Variants in ZNF638 observed in about 807,000 individuals in gnomAD.
ZNF638 encodes CTCL tumor antigen se33-1.
A neutral mutation model predicts 195.6 loss-of-function variants in ZNF638; 46 were observed. The observed-to-expected ratio is 0.24, with a 90% CI of 0.19 to 0.30. The LOEUF (loss-of-function observed/expected upper bound fraction) is 0.30. ZNF638 is among the 10% of genes least tolerant of loss of function. The pLI, the probability that ZNF638 is intolerant of heterozygous loss-of-function variation, is 1.00. For synonymous variants in ZNF638, 845 were observed against 772.0 expected (o/e 1.09, Z -1.57); for missense variants, 2,440 against 2,325.3 (o/e 1.05, Z -1.01).
intron 6 of ZNF638, among the ~76,000 whole-genome samples, chr2:71,366,620 C>T (rs1210226310): frequency 3.9e-5 from 6 of 152,090 alleles, no homozygotes; most frequent in Non-Finnish European, 8.8e-5. Flanking sequence ...GTTTTGCTCT[C>T]TAATTGGGAA....
chr2:71,348,477 AGTT>A, intron 1 of ZNF638: 1 of 1,027,180 alleles, frequency 9.7e-7, no homozygotes, highest in Non-Finnish European at 1.2e-6. Flanking sequence ...ATGTAAAAGG[AGTT>A]GTAATTACTG....
intron 8 of ZNF638, among the ~76,000 whole-genome samples, chr2:71,373,074 A>G (rs2079344420): frequency 6.6e-6 from 1 of 152,234 alleles, no homozygotes; most frequent in Admixed American, 6.5e-5. Context: ...AATGGATAAT[A>G]TAAGATTGCT....
At chr2:71,369,628 T>C (rs536457164) in intron 7 of ZNF638, among the ~76,000 whole-genome samples, 2 of 152,332 alleles carry the variant, frequency 1.3e-5, no homozygotes, top group East Asian at 1.9e-4. Context: ...TCATTTCCTC[T>C]TCTTCCATGA....
At chr2:71,400,943 G>A (rs1163082968) in intron 15 of ZNF638, among the ~76,000 whole-genome samples, 1 of 152,076 alleles carries the variant, frequency 6.6e-6, no homozygotes, top group Non-Finnish European at 1.5e-5. Flanking sequence ...CAGTTTAAAG[G>A]ACATGAAGTT....
intron 7 of ZNF638, among the ~76,000 whole-genome samples, chr2:71,369,444 G>T (rs996791076): frequency 1.3e-5 from 2 of 152,084 alleles, no homozygotes. Flanking sequence ...TTCAAGACCA[G>T]CCTGGGCAAC....
chr2:71,349,674 T>G lies in ZNF638; in HGVS notation c.720T>G (p.Asn240Lys), dbSNP rs768115990. 2 of 1,614,224 alleles carry G rather than the reference T, an allele frequency of 1.2e-6. No individual in the cohort carries two copies. The highest frequency in any genetic ancestry group is 2.2e-5 in the South Asian group (2 of 91,084). ...AAATTCCAACTGATGAGGTCGAGAATGAATTTCAGTCACAGCAGAACATTT... is the reference window on the plus strand; with the variant it reads ...AAATTCCAACTGATGAGGTCGAGAAGGAATTTCAGTCACAGCAGAACATTT... The part of the protein sequence containing the change: ...DPEIPTDEVE[N>K]EFQSQQNISA... The change falls in exon 2 of 28, where the codon AAT becomes AAG. Residue 240 changes from asparagine to lysine, a missense_variant. Coordinates refer to ENST00000264447, the MANE Select transcript of ZNF638 (RefSeq NM_014497.5).
chr2:71,417,652 C>G (rs956936703), intron 20 of ZNF638, among the ~76,000 whole-genome samples: 2 of 150,706 alleles, frequency 1.3e-5, no homozygotes, highest in African/African-American at 4.9e-5. Flanking sequence ...CCTCTGATAC[C>G]ATGCAGGGTT....
At chr2:71,366,194 A>G (rs2104282552) in intron 6 of ZNF638, among the ~76,000 whole-genome samples, 1 of 152,236 alleles carries the variant, frequency 6.6e-6, no homozygotes, top group South Asian at 2.1e-4. Context: ...TACAAAAAAT[A>G]TAAAAATGAG....
At chr2:71,420,005 A>G (rs1396082915) in intron 21 of ZNF638, among the ~76,000 whole-genome samples, 1 of 80,474 alleles carries the variant, frequency 1.2e-5, no homozygotes. Context: ...TTTTTTTTTA[A>G]CATTAGAGAA....
chr2:71,423,952 A>C lies in ZNF638; in HGVS notation c.4438A>C (p.Lys1480Gln). Reference protein sequence around the residue: ...RISALQGKLSKLDYRDITKQS... With the variant: ...RISALQGKLSQLDYRDITKQS... ...CTCAGCCCTGCAAGGCAAGCTTTCT[A>C]AACTGGATTACAGAGATATAACAAA... Residue 1480 changes from lysine to glutamine, a missense_variant, in exon 22 of 28, where the codon AAA (lysine) becomes CAA (glutamine). Lys to Gln is a moderately conservative substitution (Grantham distance 53). Transcript: ENST00000264447. 1 of 1,614,112 alleles carries C rather than the reference A, an allele frequency of 6.2e-7. No individual in the cohort carries two copies. Among genetic ancestry groups the C allele is most frequent in the Non-Finnish European group, 8.5e-7 (1 of 1,179,994 alleles).
intron 16 of ZNF638, among the ~76,000 whole-genome samples, chr2:71,402,307 C>A (rs2080022702): frequency 6.6e-6 from 1 of 151,964 alleles, no homozygotes. Flanking sequence ...TCTAATATGT[C>A]AAAGTTCTAC....
At chr2:71,383,772 T>TTTC (rs2079581466) in intron 10 of ZNF638, among the ~76,000 whole-genome samples, 1 of 138,798 alleles carries the variant, frequency 7.2e-6, no homozygotes, top group African/African-American at 2.7e-5. Flanking sequence ...CTTTTTTTTT[T>TTTC]TTTTTTTTTA....
In ZNF638 at chr2:71,428,591, T is replaced by C. The variant is rs539294557; in HGVS notation, c.5590T>C (p.Ser1864Pro). The change falls in exon 25 of 28, where the codon TCA (serine) becomes CCA (proline). Residue 1864 changes from serine (S) to proline (P), a missense_variant. Physicochemically the swap from Ser to Pro is moderately conservative, Grantham distance 74. Around this residue, in one of 5 missense-constraint regions of ZNF638, gnomAD observed 1,883 missense variants for 1,739.1 expected, o/e 1.08. Coordinates refer to ENST00000264447, the MANE Select transcript of ZNF638 (RefSeq NM_014497.5). ...KRVRIGKTLPSEKAVVTEPAK... is the reference protein window; with the variant it reads ...KRVRIGKTLPPEKAVVTEPAK... ...AGTTAGAATTGGGAAAACTCTGCCA[T>C]CAGAAAAAGCTGTTGTGACAGAACC... The C allele has an allele frequency of 1.1e-5, 18 of 1,613,954 alleles. No individual in the cohort carries two copies. The African/African-American group carries it at 2.3e-4, about 20-fold the overall frequency.
In ZNF638 at chr2:71,396,181, C is replaced by A. The variant is rs1037237488; in HGVS notation, c.2418C>A (p.Asn806Lys). Residue 806 changes from asparagine to lysine, a missense_variant, in exon 11 of 28, where the codon AAC becomes AAA. Transcript: ENST00000264447. ...CCAAGGCATCTGTAGCCAAAGTAAACAAATCTACAGGTATGTTTTTTTAAT... is the reference window on the plus strand; with the variant it reads ...CCAAGGCATCTGTAGCCAAAGTAAAAAAATCTACAGGTATGTTTTTTTAAT... Reference protein sequence around the residue: ...GQAKASVAKVNKSTGKSASSV... With the variant: ...GQAKASVAKVKKSTGKSASSV... The A allele has an allele frequency of 2.5e-6, 4 of 1,612,434 alleles. No homozygotes were observed. Among genetic ancestry groups the A allele is most frequent in the Non-Finnish European group, 3.4e-6 (4 of 1,179,504 alleles).
In ZNF638 at chr2:71,395,875, T is replaced by G. The variant is rs1015107611; in HGVS notation, c.2378-266T>G. 5.6e-6 allele frequency: 3 copies of G among 531,190 alleles called. No homozygotes were observed. The African/African-American group carries it at 5.7e-5, about 10-fold the overall frequency. 32.9% of individuals were successfully genotyped at this position (531,190 alleles called of 1,614,324 possible). On this transcript the variant is annotated intron_variant, in intron 10 of 27. Transcript: ENST00000264447. ...AAATGGGGAATAATTCCTATGCTTATGTACTGTTGATGGGAATATTAATTG... is the reference window on the plus strand; with the variant it reads ...AAATGGGGAATAATTCCTATGCTTAGGTACTGTTGATGGGAATATTAATTG...
chr2:71,402,630 TAAAAC>T (rs954003161), intron 16 of ZNF638, among the ~76,000 whole-genome samples: 18 of 152,132 alleles, frequency 1.2e-4, no homozygotes, highest in Admixed American at 5.2e-4. Context: ...CATCAATACT[TAAAAC>T]AATCTAGGTT....
chr2:71,382,434 A>G (rs768382309), intron 10 of ZNF638, among the ~76,000 whole-genome samples: 4 of 152,192 alleles, frequency 2.6e-5, no homozygotes, highest in Non-Finnish European at 5.9e-5. Flanking sequence ...GTACTTGATA[A>G]TTTTTTGAGA....
chr2:71,430,191 A>G (rs1281085062), intron 25 of ZNF638, among the ~76,000 whole-genome samples: 2 of 151,848 alleles, frequency 1.3e-5, no homozygotes, highest in Non-Finnish European at 2.9e-5. Flanking sequence ...ATTTATTTTA[A>G]TCTATTTTAA....
Position 71,429,811 on chromosome 2 carries a change from CAT to C in ZNF638, c.5650+1161_5650+1162del, listed in dbSNP as rs142673647. On this transcript the variant is annotated intron_variant, in intron 25 of 27. Coordinates refer to ENST00000264447, the MANE Select transcript of ZNF638 (RefSeq NM_014497.5). Reference sequence around the variant, plus strand: ...AAGTTAGTCTTACTTGACTTTTCCACATGATTGGTTACTTTTGATTATGCCCT... The same window carrying C: ...AAGTTAGTCTTACTTGACTTTTCCACGATTGGTTACTTTTGATTATGCCCT... Among the ~76,000 whole-genome samples, 859 of 152,356 alleles carry C rather than the reference CAT, an allele frequency of 5.6e-3. 11 individuals are homozygous for C. Among genetic ancestry groups the C allele is most frequent in the African/African-American group, 0.019 (787 of 41,584 alleles).
Sources: gnomAD v4.1 joint callset for allele counts (sites outside exome capture counted in the v4.1 genomes callset) on GRCh38, gnomAD v4.1.1 for gene constraint, gnomAD v4.1.1 regional missense constraint, MANE v1.5 for transcripts, NCBI Gene and HGNC (gene_info 2026-07-23, HGNC 2026-07-21) for gene names.